The following MCC variants were observed in gnomAD, a reference collection of about 807,000 sequenced individuals.
MCC encodes MCC regulator of Wnt signaling pathway.
A neutral mutation model predicts 116.2 loss-of-function variants in MCC; 90 were observed. The ratio of observed to expected loss-of-function variants is 0.77; its 90% confidence interval spans 0.65 to 0.92. MCC has a LOEUF of 0.92. Ranked by LOEUF, MCC falls within the 40% of genes least tolerant of loss-of-function variation. MCC has a pLI of 0.00. For missense variants in MCC, 1,516 were observed against 1,312.2 expected (o/e 1.16, Z -2.40); for synonymous variants, 578 against 510.5 (o/e 1.13, Z -1.78).
chr5:113,474,662 G>A (rs1335903914), intron 1 of MCC, among the ~76,000 whole-genome samples: 1 of 152,260 alleles, frequency 6.6e-6, no homozygotes, highest in East Asian at 1.9e-4. Context: ...TCCTGGAGGG[G>A]GCAAGCCTGC....
intron 3 of MCC, among the ~76,000 whole-genome samples, chr5:113,195,621 A>C (rs367721635): frequency 7.8e-4 from 119 of 152,188 alleles, no homozygotes; most frequent in African/African-American, 2.7e-3. Flanking sequence ...AATCTTAAGC[A>C]CCCTTAGAAG....
chr5:113,101,393 T>C (rs1399758157), intron 8 of MCC: 1 of 196,968 alleles, frequency 5.1e-6, no homozygotes, highest in Non-Finnish European at 1.0e-5. Flanking sequence ...CATTTTTTTT[T>C]TTCAAATTCT....
At chr5:113,331,482 T>C (rs1203855177) in intron 3 of MCC, among the ~76,000 whole-genome samples, 1 of 151,788 alleles carries the variant, frequency 6.6e-6, no homozygotes, top group African/African-American at 2.4e-5. Flanking sequence ...TACTTTTGTG[T>C]GTCCTTAGGT....
intron 3 of MCC, among the ~76,000 whole-genome samples, chr5:113,327,559 AAAATATATAT>A (rs1397297287): frequency 1.2e-5 from 1 of 81,068 alleles, no homozygotes; most frequent in South Asian, 3.3e-4. Context: ...AAAAAAAAAA[AAAATATATAT>A]ATATATATAT....
At chr5:113,258,671 T>C (rs776944754) in intron 3 of MCC, among the ~76,000 whole-genome samples, 1 of 152,132 alleles carries the variant, frequency 6.6e-6, no homozygotes, top group East Asian at 1.9e-4. Context: ...GCCAAAAAGG[T>C]TGGGGGTCAC....
chr5:113,318,390 T>C (rs1467437835), intron 3 of MCC, among the ~76,000 whole-genome samples: 3 of 152,198 alleles, frequency 2.0e-5, no homozygotes, highest in Admixed American at 2.0e-4. Context: ...TGCCAGACTA[T>C]GTACCATCTG....
intron 1 of MCC, among the ~76,000 whole-genome samples, chr5:113,443,861 T>G (rs900694743): frequency 2.6e-5 from 4 of 152,182 alleles, no homozygotes; most frequent in African/African-American, 9.7e-5. Flanking sequence ...TCTTGCTTTT[T>G]CACCCAGGCT....
chr5:113,314,033 G>A (rs945230508), intron 3 of MCC, among the ~76,000 whole-genome samples: 2 of 152,074 alleles, frequency 1.3e-5, no homozygotes, highest in Admixed American at 1.3e-4. Flanking sequence ...TGCCCAGGTT[G>A]GTCTTAAACT....
intron 3 of MCC, among the ~76,000 whole-genome samples, chr5:113,314,722 G>A (rs1767237150): frequency 1.3e-5 from 2 of 152,234 alleles, no homozygotes; most frequent in South Asian, 4.2e-4. Flanking sequence ...CGAGTAGCTG[G>A]GACTACAGGC....
chr5:113,331,362 C>A (rs1767691941), intron 3 of MCC, among the ~76,000 whole-genome samples: 1 of 151,736 alleles, frequency 6.6e-6, no homozygotes, highest in Non-Finnish European at 1.5e-5. Context: ...TTCCTCCCAG[C>A]AGCTGTTCCT....
intron 1 of MCC, among the ~76,000 whole-genome samples, chr5:113,414,309 GTCCTGAATA>G (rs1242540255): frequency 6.6e-6 from 1 of 152,144 alleles, no homozygotes; most frequent in Non-Finnish European, 1.5e-5. Flanking sequence ...CTGAGTTCAA[GTCCTGAATA>G]TCCTTGTTAA....
In MCC at chr5:113,201,299, T is replaced by C. The variant is rs912376592; in HGVS notation, c.628-49877A>G. ...TACTCGGGAGGCTGAAGCAGGAGAA[T>C]TGCTTGAACCCAGGAGGCAGAGGTT... On this transcript the variant is annotated intron_variant, in intron 3 of 18. Transcript: ENST00000408903. 3.3e-5 allele frequency among the ~76,000 whole-genome samples: 5 copies of C among 151,324 alleles called. No individual in the cohort carries two copies. The East Asian group carries it at 9.7e-4, about 29-fold the overall frequency.
chr5:113,261,276 G>T (rs779077706), intron 3 of MCC, among the ~76,000 whole-genome samples: 3 of 152,104 alleles, frequency 2.0e-5, no homozygotes, highest in Non-Finnish European at 1.5e-5. Flanking sequence ...GTTATTTACT[G>T]AATACTGTAT....
chr5:113,169,600 G>C (rs1208136542), intron 3 of MCC, among the ~76,000 whole-genome samples: 3 of 152,118 alleles, frequency 2.0e-5, no homozygotes, highest in Non-Finnish European at 4.4e-5. Context: ...GGTGCCAAGG[G>C]GGTTAATGTA....
intron 8 of MCC, among the ~76,000 whole-genome samples, chr5:113,098,893 C>T (rs1252288046): frequency 6.6e-6 from 1 of 152,156 alleles, no homozygotes; most frequent in Non-Finnish European, 1.5e-5. Context: ...CAAAGGCAAA[C>T]CAGCCTTGTA....
chr5:113,419,971 T>C (rs965191845), intron 1 of MCC, among the ~76,000 whole-genome samples: 4 of 150,218 alleles, frequency 2.7e-5, no homozygotes, highest in African/African-American at 9.8e-5. Flanking sequence ...TGTATACATA[T>C]GTAACAAACC....
At chr5:113,151,549 G>T in intron 3 of MCC, 127 bp from the exon 4 acceptor site, 1 of 620,078 alleles carries the variant, frequency 1.6e-6, no homozygotes, top group South Asian at 2.1e-5. Flanking sequence ...TGAGAATGAA[G>T]GTAAGTGTTA....
chr5:113,104,203 G>T lies in MCC; in HGVS notation c.1180C>A (p.Leu394Met), dbSNP rs774335615. 7.4e-6 allele frequency: 12 copies of T among 1,611,918 alleles called. No homozygotes were observed. In the South Asian group the frequency reaches 1.2e-4, roughly 16 times the overall value. The change falls in exon 7 of 19, where the codon CTG becomes ATG. Residue 394 changes from leucine to methionine, a missense_variant. Coordinates refer to ENST00000408903, the MANE Select transcript of MCC (RefSeq NM_001085377.2). ...QLTTASEHCD[L>M]AIKTVEEIEG... ...TGAGGAAGGTCTACCTTAATAGCCA[G>T]GTCACAGTGCTCGCTGGCTGTGGTG...
chr5:113,468,577 G>C (rs1488070111), intron 1 of MCC, among the ~76,000 whole-genome samples: 1 of 152,038 alleles, frequency 6.6e-6, no homozygotes, highest in Non-Finnish European at 1.5e-5. Flanking sequence ...TGCTGGATTC[G>C]GTTTGCCAGT....
Sources: gnomAD v4.1 joint callset for allele counts (sites outside exome capture counted in the v4.1 genomes callset) on GRCh38, gnomAD v4.1.1 for gene constraint, MANE v1.5 for transcripts, NCBI Gene and HGNC (gene_info 2026-07-23, HGNC 2026-07-21) for gene names.